FGFR1: variants seen among roughly 807,000 people sequenced by gnomAD.
The protein encoded by FGFR1 is FGFR1/PLAG1 fusion.
In FGFR1, 18 loss-of-function variants were observed where a neutral mutation model predicts 93.7. The ratio of observed to expected loss-of-function variants is 0.19; its 90% confidence interval spans 0.13 to 0.28. FGFR1 has a LOEUF of 0.28. FGFR1 is among the 10% of genes least tolerant of loss of function. The pLI, the probability that FGFR1 is intolerant of heterozygous loss-of-function variation, is 1.00. For synonymous variants in FGFR1, 448 were observed against 429.3 expected (o/e 1.04, Z -0.54); for missense variants, 731 against 1,080.4 (o/e 0.68, Z 4.53).
At position 38,464,423 on chromosome 8, in the gene FGFR1, T is replaced by A. The variant is rs1835090421; in HGVS notation, c.-89+3558A>T. ...GTACTATGAGTGGAACCCCACCAAA[T>A]TCTTGGGATAGTTCATCCATGTGAG... is the stretch of plus-strand genomic sequence containing the variant. On this transcript the variant is annotated intron_variant, in intron 1 of 17. Coordinates refer to ENST00000447712, the MANE Select transcript of FGFR1 (RefSeq NM_023110.3). 4.0e-5 allele frequency among the ~76,000 whole-genome samples: 6 copies of A among 151,770 alleles called. No individual in the cohort carries two copies. The South Asian group carries it at 1.2e-3, about 32-fold the overall frequency.
rs1024271555 is a variant in FGFR1, at chr8:38,426,336, A to G, written c.622-91T>C. 1.3e-5 allele frequency: 21 copies of G among 1,574,118 alleles called. No individual in the cohort carries two copies. Among genetic ancestry groups the G allele is most frequent in the Admixed American group, 1.0e-4 (6 of 59,868 alleles). ...CGGCACCCCGTGGCACCTGCCCTCCATATCAGAGCCTGGTGGCACAGGGCC... is the reference window on the plus strand; with the variant it reads ...CGGCACCCCGTGGCACCTGCCCTCCGTATCAGAGCCTGGTGGCACAGGGCC... On this transcript the variant is annotated intron_variant, in intron 5 of 17. Transcript: ENST00000447712. The surrounding 1 kb of genome is among the most constrained non-coding windows in gnomAD (Gnocchi z 4.1).
chr8:38,454,970 T>C (rs186783376), intron 2 of FGFR1, among the ~76,000 whole-genome samples: 120 of 147,130 alleles, frequency 8.2e-4, no homozygotes, highest in African/African-American at 3.0e-3. Context: ...TTTTCTTTTC[T>C]TGCTTTTTTT....
At chr8:38,418,465 GGC>G in intron 9 of FGFR1, 92 bp from the exon 10 acceptor site, 2 of 1,410,812 alleles carry the variant, frequency 1.4e-6, no homozygotes, top group Non-Finnish European at 9.8e-7. Context: ...CAATGGCAGA[GGC>G]ACATGTCTGT....
Position 38,468,547 on chromosome 8 carries a change from G to A in FGFR1, c.-655C>T. Reference sequence around the variant, plus strand: ...ACACCCGGGTTCCTCCGCGCGCTGCGGCTGCACCGGCGTCCCGGCTCCCGC... The same window carrying A: ...ACACCCGGGTTCCTCCGCGCGCTGCAGCTGCACCGGCGTCCCGGCTCCCGC... On this transcript the variant is annotated 5_prime_UTR_variant, in exon 1 of 18. Transcript: ENST00000447712. 4.4e-6 allele frequency: 1 copy of A among 228,736 alleles called. No individual in the cohort carries two copies. Among genetic ancestry groups the A allele is most frequent in the Non-Finnish European group, 8.7e-6 (1 of 114,986 alleles). 14.2% of individuals were successfully genotyped at this position (228,736 alleles called of 1,614,324 possible). A position where few individuals can be genotyped will look rare whatever the true frequency, so the allele number is the denominator to read the frequency against.
chr8:38,437,616 A>G (rs144471320), intron 2 of FGFR1, among the ~76,000 whole-genome samples: 1 of 152,336 alleles, frequency 6.6e-6, no homozygotes, highest in East Asian at 1.9e-4. Context: ...TGAAGTGCTT[A>G]CAGGCATGGC....
At position 38,430,037 on chromosome 8, in the gene FGFR1, C is replaced by T. The variant is rs4647907; in HGVS notation, c.92-89G>A. ...AGGAGGGGAGAGACAAAGGGAATTA[C>T]GCTGGCCACACGGAGCCGCACCATC... On this transcript the variant is annotated intron_variant, in intron 2 of 17. Coordinates refer to ENST00000447712, the MANE Select transcript of FGFR1 (RefSeq NM_023110.3). 0.22 allele frequency: 293,053 copies of T among 1,341,808 alleles called. 33,632 individuals are homozygous for T. The highest frequency in any genetic ancestry group is 0.31 in the East Asian group (12,191 of 39,700). The allele number at this position is 1,341,808 out of a possible 1,614,324, so 83.1% of individuals were successfully genotyped here.
intron 8 of FGFR1, 144 bp downstream of exon 8, chr8:38,421,653 G>T: frequency 1.1e-6 from 1 of 881,768 alleles, no homozygotes; most frequent in Non-Finnish European, 1.9e-6. Flanking sequence ...AGCCCTCAAA[G>T]CTGGGGCAGG....
chr8:38,411,659 A>G lies in FGFR1; in HGVS notation c.*1969T>C, dbSNP rs974305182. On this transcript the variant is annotated 3_prime_UTR_variant, in exon 18 of 18. Coordinates refer to ENST00000447712, the MANE Select transcript of FGFR1 (RefSeq NM_023110.3). Reference sequence around the variant, plus strand: ...AATCCAGCAAAATATAAGCTTTAATATAGCGACTGAGGAGTGGTAGTTTGA... The same window carrying G: ...AATCCAGCAAAATATAAGCTTTAATGTAGCGACTGAGGAGTGGTAGTTTGA... 1.7e-5 allele frequency: 4 copies of G among 230,386 alleles called. No homozygotes were observed. The highest frequency in any genetic ancestry group is 8.8e-5 in the African/African-American group (4 of 45,300). 14.3% of individuals were successfully genotyped at this position (230,386 alleles called of 1,614,324 possible).
intron 1 of FGFR1, among the ~76,000 whole-genome samples, chr8:38,467,317 G>A (rs1180588763): frequency 6.6e-6 from 1 of 151,896 alleles, no homozygotes; most frequent in Admixed American, 6.6e-5. Context: ...AGCAGATTCA[G>A]CCATTTGGTG....
intron 1 of FGFR1, 22 bp from the exon 2 acceptor site, chr8:38,457,556 C>T: frequency 6.4e-7 from 1 of 1,556,668 alleles, no homozygotes; most frequent in Non-Finnish European, 8.7e-7. Context: ...AAAAAAACCC[C>T]AAAAGTTAGG....
chr8:38,451,641 C>A (rs1831106928), intron 2 of FGFR1, among the ~76,000 whole-genome samples: 1 of 152,180 alleles, frequency 6.6e-6, no homozygotes, highest in Middle Eastern at 3.4e-3. Context: ...TAAGTGCAAC[C>A]TCTCCCCCCT....
At chr8:38,433,626 C>A (rs777364991) in intron 2 of FGFR1, among the ~76,000 whole-genome samples, 2 of 152,150 alleles carry the variant, frequency 1.3e-5, no homozygotes, top group Non-Finnish European at 2.9e-5. Context: ...CCCAGCCAGA[C>A]CCTGTCTTAA....
intron 1 of FGFR1, among the ~76,000 whole-genome samples, chr8:38,465,127 C>T (rs1213658375): frequency 5.3e-5 from 8 of 152,208 alleles, no homozygotes; most frequent in Admixed American, 2.0e-4. Flanking sequence ...ATCTAATCCT[C>T]TGCCCCTAGG....
At chr8:38,417,160 C>G in intron 12 of FGFR1, 146 bp downstream of exon 12, 1 of 716,914 alleles carries the variant, frequency 1.4e-6, no homozygotes, top group South Asian at 1.4e-5. Flanking sequence ...GAGCCCAGAT[C>G]CCGAGATAAC....
chr8:38,444,727 C>G (rs1828767388), intron 2 of FGFR1, among the ~76,000 whole-genome samples: 1 of 152,042 alleles, frequency 6.6e-6, no homozygotes. Flanking sequence ...GTGTGTGGCT[C>G]TGTGGTAGCC....
chr8:38,446,219 TTTTTTTTTTA>T (rs1447520533), intron 2 of FGFR1, among the ~76,000 whole-genome samples: 3 of 150,086 alleles, frequency 2.0e-5, no homozygotes, highest in Non-Finnish European at 3.0e-5. Flanking sequence ...TTTTTTTTTT[TTTTTTTTTTA>T]AAGAGGAAGT....
intron 2 of FGFR1, among the ~76,000 whole-genome samples, chr8:38,453,810 T>C (rs1166227001): frequency 6.6e-6 from 1 of 152,158 alleles, no homozygotes; most frequent in Non-Finnish European, 1.5e-5. Context: ...GAGAATCGCT[T>C]GAACCTGGGA....
At chr8:38,462,424 A>C (rs1322150660) in intron 1 of FGFR1, among the ~76,000 whole-genome samples, 4 of 151,754 alleles carry the variant, frequency 2.6e-5, no homozygotes, top group Admixed American at 1.3e-4. Flanking sequence ...GAATTGCTTG[A>C]ACCCGGGAGG....
intron 2 of FGFR1, among the ~76,000 whole-genome samples, chr8:38,450,766 C>T (rs1284916717): frequency 6.6e-6 from 1 of 152,210 alleles, no homozygotes; most frequent in Non-Finnish European, 1.5e-5. Flanking sequence ...GAAATTCCTC[C>T]TCCCTGACTT....
Sources: allele counts gnomAD v4.1 joint callset (sites outside exome capture counted in the v4.1 genomes callset), GRCh38; gene constraint gnomAD v4.1.1; non-coding constraint Gnocchi (gnomAD v3.1); transcripts MANE v1.5; gene names NCBI Gene and HGNC (gene_info 2026-07-23, HGNC 2026-07-21).